The following CACNA1E variants were observed in gnomAD, a reference collection of about 807,000 sequenced individuals.
CACNA1E encodes the protein calcium voltage-gated channel subunit alpha1 E, also known as voltage-dependent R-type calcium channel subunit alpha-1E.
Under a neutral mutation model 259.2 loss-of-function variants are expected in CACNA1E, and 40 were observed. The observed-to-expected ratio is 0.15, with a 90% confidence interval of 0.12 to 0.20. CACNA1E has a LOEUF of 0.20. Ranked by LOEUF, CACNA1E falls within the 10% of genes least tolerant of loss-of-function variation. CACNA1E has a pLI of 1.00. For synonymous variants in CACNA1E, 1,104 were observed against 1,138.5 expected (o/e 0.97, Z 0.61); for missense variants, 1,874 against 3,040.1 (o/e 0.62, Z 9.02).
At chr1:181,772,979 T>C (rs894156129) in intron 37 of CACNA1E, among the ~76,000 whole-genome samples, 3 of 152,054 alleles carry the variant, frequency 2.0e-5, no homozygotes, top group Non-Finnish European at 2.9e-5. Flanking sequence ...CAGTGATAAA[T>C]AGAATAATAA....
chr1:181,790,347 A>G (rs1572901618), intron 43 of CACNA1E, 98 bp from the exon 44 acceptor site: 1 of 661,308 alleles, frequency 1.5e-6, no homozygotes. Context: ...TAGGTTTACA[A>G]AAGCCAGCCA....
At position 181,331,787 on chromosome 1, in the gene CACNA1E, T is replaced by A. The variant is rs149736464; in HGVS notation, c.-15+13664T>A. ...CATTAAGATAATGAAACAGTTTCAGTTTTCTGCATGTGGCTAGCCAGTTCT... is the reference window on the plus strand; with the variant it reads ...CATTAAGATAATGAAACAGTTTCAGATTTCTGCATGTGGCTAGCCAGTTCT... On this transcript the variant is annotated intron_variant, in intron 1 of 11. Transcript: ENST00000524607. 1.6e-3 allele frequency among the ~76,000 whole-genome samples: 248 copies of A among 152,210 alleles called. 5 individuals carry two copies. In the East Asian group the frequency reaches 0.046, roughly 28 times the overall value.
chr1:181,368,871 T>C (rs568053862), intron 1 of CACNA1E, among the ~76,000 whole-genome samples: 60 of 152,358 alleles, frequency 3.9e-4, no homozygotes, highest in African/African-American at 1.3e-3. Flanking sequence ...GTCAGATTAC[T>C]CAGTTCCACT....
chr1:181,535,568 A>C (rs561372562), intron 3 of CACNA1E, among the ~76,000 whole-genome samples: 9 of 152,318 alleles, frequency 5.9e-5, no homozygotes, highest in South Asian at 2.1e-4. Flanking sequence ...ACACATACAT[A>C]CATATGTAAT....
chr1:181,583,013 TATTCTGATG>T (rs1461252875), intron 6 of CACNA1E, among the ~76,000 whole-genome samples: 1 of 152,016 alleles, frequency 6.6e-6, no homozygotes, highest in African/African-American at 2.4e-5. Flanking sequence ...GGCCTCCTGC[TATTCTGATG>T]GCTGGATTTA....
rs541361501 is a variant in CACNA1E at position 181,801,835 on chromosome 1, A to G, written c.*3001A>G. ...CAGAAGACTCTTGAGTCATATATTCAGTTTCTCTTGCTAATATATGACTCG... is the reference window on the plus strand; with the variant it reads ...CAGAAGACTCTTGAGTCATATATTCGGTTTCTCTTGCTAATATATGACTCG... On this transcript the variant is annotated 3_prime_UTR_variant, in exon 48 of 48. Transcript: ENST00000367573. 21 of 152,348 alleles carry G rather than the reference A, an allele frequency of 1.4e-4. No homozygotes were observed. Among genetic ancestry groups the G allele is most frequent in the Admixed American group, 5.2e-4 (8 of 15,308 alleles). The allele number at this position is 152,348 out of a possible 1,614,324, so 9.4% of individuals were successfully genotyped here.
chr1:181,382,902 C>T (rs1022983756), intron 1 of CACNA1E, among the ~76,000 whole-genome samples: 2 of 152,036 alleles, frequency 1.3e-5, no homozygotes, highest in Non-Finnish European at 2.9e-5. Flanking sequence ...GCAGAAGGGG[C>T]GGAGGCTTAG....
At chr1:181,462,509 C>T (rs77648731) in intron 2 of CACNA1E, among the ~76,000 whole-genome samples, 6,569 of 152,274 alleles carry the variant, frequency 0.043, 321 homozygotes, top group African/African-American at 0.12. Context: ...GAGACACCCA[C>T]GTACCCACTA....
intron 1 of CACNA1E, among the ~76,000 whole-genome samples, chr1:181,412,248 A>C (rs560079185): frequency 1.3e-5 from 2 of 152,284 alleles, no homozygotes; most frequent in Admixed American, 1.3e-4. Flanking sequence ...AGGAGGAAGG[A>C]ACCTGCATAC....
chr1:181,432,075 G>C (rs1357319474), intron 2 of CACNA1E, among the ~76,000 whole-genome samples: 1 of 151,884 alleles, frequency 6.6e-6, no homozygotes, highest in African/African-American at 2.4e-5. Context: ...AGCCCCCTTT[G>C]GAAGAACTTT....
chr1:181,497,260 A>G (rs1356998504), intron 1 of CACNA1E, among the ~76,000 whole-genome samples: 1 of 152,208 alleles, frequency 6.6e-6, no homozygotes, highest in African/African-American at 2.4e-5. Context: ...TGTCACAAAC[A>G]TCAGTAGACA....
intron 6 of CACNA1E, 142 bp from the exon 7 acceptor site, chr1:181,651,196 A>AG (rs1318353326): frequency 1.7e-6 from 1 of 595,350 alleles, no homozygotes; most frequent in African/African-American, 1.9e-5. Context: ...TCACGGTAAT[A>AG]CCAAATTGGG....
At chr1:181,669,715 T>C (rs1425337336) in intron 7 of CACNA1E, among the ~76,000 whole-genome samples, 1 of 152,220 alleles carries the variant, frequency 6.6e-6, no homozygotes, top group African/African-American at 2.4e-5. Flanking sequence ...AACTTCCTGT[T>C]TGTGATGTCT....
At chr1:181,552,409 C>T (rs185157694) in intron 3 of CACNA1E, among the ~76,000 whole-genome samples, 6 of 152,186 alleles carry the variant, frequency 3.9e-5, no homozygotes, top group Admixed American at 3.3e-4. Flanking sequence ...TAGAGGCCTC[C>T]CTGCAGGTGG....
chr1:181,777,880 T>A (rs1660100411), intron 38 of CACNA1E, among the ~76,000 whole-genome samples: 1 of 152,198 alleles, frequency 6.6e-6, no homozygotes, highest in Admixed American at 6.5e-5. Context: ...AGAAACCAAC[T>A]GTGAGCAAAA....
chr1:181,484,076 C>T, intron 1 of CACNA1E, 66 bp downstream of exon 1: 1 of 1,488,120 alleles, frequency 6.7e-7, no homozygotes, highest in South Asian at 1.2e-5. Context: ...AGGGGGGTAC[C>T]TAGCATGGAA....
At position 181,779,449 on chromosome 1, in the gene CACNA1E, G is replaced by T. The variant is rs1006794681; in HGVS notation, c.5268-1978G>T. ...ACCTGTGCTTCCTTTACAGCGGCAG[G>T]ATCCCGTATAAGGATATGTACAAAT... is the stretch of plus-strand genomic sequence containing the variant. On this transcript the variant is annotated intron_variant, in intron 38 of 47. Coordinates refer to ENST00000367573, the MANE Select transcript of CACNA1E (RefSeq NM_001205293.3). 9 of 448,216 alleles carry T rather than the reference G, an allele frequency of 2.0e-5. No individual in the cohort carries two copies. In the Admixed American group the frequency reaches 2.1e-4, roughly 11 times the overall value. The allele number at this position is 448,216 out of a possible 1,614,324, so 27.8% of individuals were successfully genotyped here. A position where few individuals can be genotyped will look rare whatever the true frequency, so the allele number is the denominator to read the frequency against.
intron 1 of CACNA1E, among the ~76,000 whole-genome samples, chr1:181,381,994 G>T (rs1257393378): frequency 6.6e-6 from 1 of 152,216 alleles, no homozygotes; most frequent in East Asian, 1.9e-4. Context: ...GGTGAGAGCA[G>T]AAGGCAGGAG....
chr1:181,643,950 A>G (rs372273036), intron 6 of CACNA1E, among the ~76,000 whole-genome samples: 2 of 152,056 alleles, frequency 1.3e-5, no homozygotes. Context: ...TATTAAATAT[A>G]CTCAGGGCTC....
Sources: allele counts gnomAD v4.1 joint callset (sites outside exome capture counted in the v4.1 genomes callset), GRCh38; gene constraint gnomAD v4.1.1; transcripts MANE v1.5; gene names NCBI Gene and HGNC (gene_info 2026-07-23, HGNC 2026-07-21).